The following BIRC6 variants were observed in gnomAD, a reference collection of about 807,000 sequenced individuals.
BIRC6 encodes the protein baculoviral IAP repeat containing 6.
Under a neutral mutation model 503.3 loss-of-function variants are expected in BIRC6, and 98 were observed. That is an observed-to-expected ratio of 0.19 (90% CI 0.17 to 0.23). The LOEUF is 0.23. Ranked by LOEUF, BIRC6 falls within the 10% of genes least tolerant of loss-of-function variation. BIRC6 has a pLI of 1.00. For missense variants in BIRC6, 5,360 were observed against 5,806.0 expected (o/e 0.92, Z 2.50); for synonymous variants, 2,240 against 2,078.7 (o/e 1.08, Z -2.11).
At chr2:32,364,037 A>G (rs1270961940) in intron 1 of BIRC6, among the ~76,000 whole-genome samples, 2 of 152,210 alleles carry the variant, frequency 1.3e-5, no homozygotes, top group South Asian at 4.1e-4. Flanking sequence ...AAATGTCAGA[A>G]TGAAGTTAAG....
rs144705632 is a variant in BIRC6 at position 32,597,845 on chromosome 2, G to A, written c.13707G>A (p.Ala4569=). 48 of 1,613,606 alleles carry A rather than the reference G, an allele frequency of 3.0e-5. No individual in the cohort carries two copies. Among genetic ancestry groups the A allele is most frequent in the Admixed American group, 6.7e-5 (4 of 59,992 alleles). The part of the protein sequence containing the change: ...YMSQVKNAND[A]NSAARARRLA... ...CTCAGGTGAAAAATGCTAATGATGC[G>A]AACAGTGCTGCCAGAGCTCGCCGCC... The change falls in exon 69 of 74, where the codon GCG becomes GCA. Residue 4569 remains alanine (A), a synonymous_variant. Transcript: ENST00000421745.
At position 32,415,036 on chromosome 2, in the gene BIRC6, C is replaced by T. The variant is rs1394836483; in HGVS notation, c.1745C>T (p.Pro582Leu). 6.2e-7 allele frequency: 1 copy of T among 1,613,824 alleles called. No individual in the cohort carries two copies. Among genetic ancestry groups the T allele is most frequent in the Non-Finnish European group, 8.5e-7 (1 of 1,179,868 alleles). Residue 582 changes from proline (P) to leucine (L), a missense_variant, in exon 10 of 74, where the codon CCC (proline) becomes CTC (leucine). Pro to Leu is a moderately conservative substitution (Grantham distance 98). This residue lies in a region of BIRC6 where 700 missense variants were observed against 739.3 expected (regional missense o/e 0.95). Transcript: ENST00000421745. ...ACATATAAATCTCCTGCTACCTCAC[C>T]CATTAGTAGTAATTCTCACAGGTCA... ...LLTYKSPATS[P>L]ISSNSHRSLD...
intron 66 of BIRC6, among the ~76,000 whole-genome samples, chr2:32,576,719 TTGTTGGCTTAATGTGTTGTC>T: frequency 6.6e-6 from 1 of 152,226 alleles, no homozygotes; most frequent in South Asian, 2.1e-4. Flanking sequence ...AATTCTGACT[TTGTTGGCTTAATGTGTTGTC>T]ATTATCACTT....
Position 32,487,731 on chromosome 2 carries a change from T to C in BIRC6, c.7898T>C (p.Leu2633Ser), listed in dbSNP as rs770399398. ...ANQTSQLIIQ[L>S]SSVPMLNVCF... ...CAAACCAGCCAGCTTATTATACAGT[T>C]ATCATCTGTCCCAATGTTAAATGTT... The change falls in exon 41 of 74, where the codon TTA (leucine) becomes TCA (serine). Residue 2633 changes from leucine (L) to serine (S), a missense_variant. By Grantham distance (145) the Leu-to-Ser change is moderately radical. Transcript: ENST00000421745. The C allele has an allele frequency of 2.5e-6, 4 of 1,613,494 alleles. No homozygotes were observed. The East Asian group carries it at 8.9e-5, about 36-fold the overall frequency.
Position 32,446,734 on chromosome 2 carries a change from C to T in BIRC6, c.4484+1066C>T, listed in dbSNP as rs889360890. 3.5e-4 allele frequency among the ~76,000 whole-genome samples: 36 copies of T among 104,128 alleles called. No homozygotes were observed. In the South Asian group the frequency reaches 0.01, roughly 30 times the overall value. The allele number at this position is 104,128 out of a possible 152,430, so 68.3% of individuals were successfully genotyped here. ...CAAATCTAGTCAGCATCTCCCTCTG[C>T]GCTGTTTTTTTTTTTTTTTTTTTTT... On this transcript the variant is annotated intron_variant, in intron 21 of 73. Transcript: ENST00000421745.
intron 50 of BIRC6, among the ~76,000 whole-genome samples, chr2:32,507,690 G>A (rs1354492208): frequency 6.6e-6 from 1 of 152,120 alleles, no homozygotes; most frequent in Admixed American, 6.5e-5. Context: ...TATTCATAGG[G>A]AGCATCAGGT....
chr2:32,520,140 G>A (rs1217272740), intron 57 of BIRC6, among the ~76,000 whole-genome samples: 3 of 152,284 alleles, frequency 2.0e-5, no homozygotes, highest in African/African-American at 7.2e-5. Context: ...AAAAAAGTTG[G>A]AAATGTCTAT....
intron 1 of BIRC6, among the ~76,000 whole-genome samples, chr2:32,376,460 G>A (rs112868781): frequency 6.6e-6 from 1 of 152,038 alleles, no homozygotes; most frequent in African/African-American, 2.4e-5. Flanking sequence ...ATTTGTGTGC[G>A]TAAGTTTTGA....
intron 66 of BIRC6, among the ~76,000 whole-genome samples, chr2:32,587,821 T>C (rs1189927530): frequency 1.3e-5 from 2 of 152,252 alleles, no homozygotes; most frequent in African/African-American, 2.4e-5. Flanking sequence ...GTTTTCCTTT[T>C]ACTCATGTGT....
chr2:32,499,181 A>C (rs890444809), intron 45 of BIRC6, among the ~76,000 whole-genome samples: 5 of 152,242 alleles, frequency 3.3e-5, no homozygotes, highest in Non-Finnish European at 4.4e-5. Flanking sequence ...AATGTTTACA[A>C]TAGCGTTATT....
chr2:32,522,634 A>G (rs928538388), intron 57 of BIRC6: 1 of 152,170 alleles, frequency 6.6e-6, no homozygotes, highest in African/African-American at 2.4e-5. Context: ...GCAGTTCTAA[A>G]TCCCATTTGA....
chr2:32,611,416 A>C (rs1308467293), intron 72 of BIRC6, 32 bp from the exon 73 acceptor site: 1 of 1,569,172 alleles, frequency 6.4e-7, no homozygotes, highest in East Asian at 2.3e-5. Context: ...GACTGTAAAC[A>C]CTGCTTGTTC....
At chr2:32,524,447 C>T (rs1408690497) in intron 57 of BIRC6, among the ~76,000 whole-genome samples, 1 of 152,124 alleles carries the variant, frequency 6.6e-6, no homozygotes, top group Non-Finnish European at 1.5e-5. Context: ...GCTTGAGTCC[C>T]ATATTTGCCA....
intron 65 of BIRC6, among the ~76,000 whole-genome samples, chr2:32,561,276 C>T (rs1373811267): frequency 6.8e-6 from 1 of 147,388 alleles, no homozygotes; most frequent in Admixed American, 6.8e-5. Context: ...GAGTCTAGCT[C>T]TGTTGCCCAG....
chr2:32,462,062 A>G lies in BIRC6; in HGVS notation c.4754-1132A>G, dbSNP rs1036872154. ...CAGCAAAAAAATAAAAATAAAAAAA[A>G]AAAGGTGGGGGGGATCATGATGCCT... is the stretch of plus-strand genomic sequence containing the variant. On this transcript the variant is annotated intron_variant, in intron 23 of 73. Transcript: ENST00000421745. 2.0e-5 allele frequency among the ~76,000 whole-genome samples: 3 copies of G among 152,106 alleles called. No homozygotes were observed. The East Asian group carries it at 5.8e-4, about 29-fold the overall frequency.
At chr2:32,416,610 A>C (rs192086526) in intron 10 of BIRC6, among the ~76,000 whole-genome samples, 1 of 152,260 alleles carries the variant, frequency 6.6e-6, no homozygotes, top group African/African-American at 2.4e-5. Flanking sequence ...TTCTGAAATA[A>C]AAATACTTAG....
At chr2:32,481,987 C>G (rs1346630611) in intron 38 of BIRC6, among the ~76,000 whole-genome samples, 2 of 152,074 alleles carry the variant, frequency 1.3e-5, no homozygotes, top group African/African-American at 4.8e-5. Context: ...TGTAGCTACT[C>G]ATAATTATCA....
chr2:32,552,796 C>CAAAT (rs1020086165), intron 65 of BIRC6, among the ~76,000 whole-genome samples: 4 of 151,540 alleles, frequency 2.6e-5, no homozygotes, highest in Non-Finnish European at 5.9e-5. Context: ...AACCCTGTCT[C>CAAAT]AAATAAATAA....
chr2:32,511,476 A>ATTTT (rs1166383796), intron 53 of BIRC6, among the ~76,000 whole-genome samples: 20 of 80,156 alleles, frequency 2.5e-4, no homozygotes, highest in South Asian at 4.2e-4. Context: ...TAACTGACTA[A>ATTTT]TTTTTTTTTT....
Sources: gnomAD v4.1 joint callset for allele counts (sites outside exome capture counted in the v4.1 genomes callset) on GRCh38, gnomAD v4.1.1 for gene constraint, gnomAD v4.1.1 regional missense constraint, MANE v1.5 for transcripts, NCBI Gene and HGNC (gene_info 2026-07-23, HGNC 2026-07-21) for gene names.